FREM2: variants seen among roughly 807,000 people sequenced by gnomAD.
FREM2 encodes FRAS1-related extracellular matrix protein 2.
A neutral mutation model predicts 219.9 loss-of-function variants in FREM2; 119 were observed. The ratio of observed to expected loss-of-function variants is 0.54; its 90% CI spans 0.47 to 0.63. FREM2 has a LOEUF of 0.63. Ranked by LOEUF, FREM2 falls within the 30% of genes least tolerant of loss-of-function variation. The pLI, the probability that FREM2 is intolerant of heterozygous loss-of-function variation, is 0.00. For synonymous variants in FREM2, 1,562 were observed against 1,522.8 expected (o/e 1.03, Z -0.60); for missense variants, 4,030 against 3,993.6 (o/e 1.01, Z -0.25).
chr13:38,857,278 G>A (rs1017129369), intron 12 of FREM2, among the ~76,000 whole-genome samples: 1 of 152,086 alleles, frequency 6.6e-6, no homozygotes, highest in African/African-American at 2.4e-5. Context: ...AGGGAGCCAG[G>A]GCAAACTCAC....
intron 6 of FREM2, among the ~76,000 whole-genome samples, chr13:38,788,020 ACAG>A (rs1022703952): frequency 7.9e-5 from 12 of 152,176 alleles, no homozygotes; most frequent in Middle Eastern, 6.8e-3. Flanking sequence ...AAAGAAAAGG[ACAG>A]TACTGAAAAG....
At chr13:38,820,180 G>A (rs751615467) in intron 6 of FREM2, among the ~76,000 whole-genome samples, 51 of 152,124 alleles carry the variant, frequency 3.4e-4, no homozygotes, top group Non-Finnish European at 1.8e-4. Flanking sequence ...GAATAGCACT[G>A]CTTTTTCCAC....
rs771974385 is a variant in FREM2, at chr13:38,692,427, T to C, written c.5083T>C (p.Ser1695Pro). Reference sequence around the variant, plus strand: ...GGAGGACAGAGACAGCTTACACATTTCTCTTAGATTTATCGTGACAGAGGC... The same window carrying C: ...GGAGGACAGAGACAGCTTACACATTCCTCTTAGATTTATCGTGACAGAGGC... ...KVEDRDSLHI[S>P]LRFIVTEAPQ... is the part of the protein sequence containing the mutation. The change falls in exon 1 of 24, where the codon TCT becomes CCT. Residue 1695 changes from serine to proline, a missense_variant. This residue lies in a region of FREM2 where 3,102 missense variants were observed against 2,950.7 expected (regional missense o/e 1.05). Coordinates refer to ENST00000280481, the MANE Select transcript of FREM2 (RefSeq NM_207361.6). 3 of 1,613,682 alleles carry C rather than the reference T, an allele frequency of 1.9e-6. No homozygotes were observed. In the East Asian group the frequency reaches 6.7e-5, roughly 36 times the overall value.
Position 38,874,944 on chromosome 13 carries a change from C to T in FREM2, c.8281+358C>T, listed in dbSNP as rs1878292413. On this transcript the variant is annotated intron_variant, in intron 18 of 23. Coordinates refer to ENST00000280481, the MANE Select transcript of FREM2 (RefSeq NM_207361.6). ...AATTGCAGATGATTCATTCAGCAAG[C>T]ACTTCTCTTTTCACAGCTTTTTGCT... Among the ~76,000 whole-genome samples the T allele has an allele frequency of 2.0e-5, 3 of 152,166 alleles. 1 individual carries two copies. The highest frequency in any genetic ancestry group is 2.0e-4 in the Admixed American group (3 of 15,274).
chr13:38,760,967 C>G (rs1873204842), intron 2 of FREM2, among the ~76,000 whole-genome samples: 1 of 151,988 alleles, frequency 6.6e-6, no homozygotes, highest in African/African-American at 2.4e-5. Flanking sequence ...AAAAGAGAAG[C>G]CCTCAGTGAC....
At chr13:38,741,509 G>C (rs998724696) in intron 2 of FREM2, among the ~76,000 whole-genome samples, 3 of 152,162 alleles carry the variant, frequency 2.0e-5, no homozygotes, top group African/African-American at 7.2e-5. Flanking sequence ...GGACAATTGA[G>C]ATCAGCCCTC....
At chr13:38,761,403 G>A (rs1026714307) in intron 2 of FREM2, among the ~76,000 whole-genome samples, 2 of 152,128 alleles carry the variant, frequency 1.3e-5, no homozygotes, top group African/African-American at 4.8e-5. Context: ...GCTGTTTTAT[G>A]TACTAATTTA....
chr13:38,816,509 G>A (rs762723050), intron 6 of FREM2, among the ~76,000 whole-genome samples: 3 of 152,246 alleles, frequency 2.0e-5, no homozygotes, highest in Admixed American at 6.5e-5. Flanking sequence ...GGCAGAAAAA[G>A]CATTTGATAA....
In FREM2 at chr13:38,884,920, T is replaced by C. The variant is rs1878677028; in HGVS notation, c.*4133T>C. 2 of 152,332 alleles carry C rather than the reference T, an allele frequency of 1.3e-5. No individual in the cohort carries two copies. Among genetic ancestry groups the C allele is most frequent in the South Asian group, 2.1e-4 (1 of 4,830 alleles). The allele number at this position is 152,332 out of a possible 1,614,324, so 9.4% of individuals were successfully genotyped here. ...GCTCATTTGTGAAAACATACTCTCA[T>C]GGGAGCTTCTTTAACATTAGTTCAG... On this transcript the variant is annotated 3_prime_UTR_variant, in exon 24 of 24. Coordinates refer to ENST00000280481, the MANE Select transcript of FREM2 (RefSeq NM_207361.6).
Position 38,885,592 on chromosome 13 carries a change from T to G in FREM2, c.*4805T>G, listed in dbSNP as rs902868503. ...TGCTCTCTTTTTCATTTCAAAACCA[T>G]TACCACTTTCAATATGTAATTAACA... is the stretch of plus-strand genomic sequence containing the variant. On this transcript the variant is annotated 3_prime_UTR_variant, in exon 24 of 24. Transcript: ENST00000280481. 4 of 152,186 alleles carry G rather than the reference T, an allele frequency of 2.6e-5. No individual in the cohort carries two copies. The highest frequency in any genetic ancestry group is 9.6e-5 in the African/African-American group (4 of 41,466). 9.4% of individuals were successfully genotyped at this position (152,186 alleles called of 1,614,324 possible).
At chr13:38,860,897 C>T (rs1272927899) in intron 14 of FREM2, among the ~76,000 whole-genome samples, 2 of 152,088 alleles carry the variant, frequency 1.3e-5, no homozygotes, top group African/African-American at 2.4e-5. Context: ...ATAGAGAAAA[C>T]TCTACTGTAC....
intron 6 of FREM2, among the ~76,000 whole-genome samples, chr13:38,841,283 T>C (rs997741812): frequency 6.6e-6 from 1 of 152,158 alleles, no homozygotes; most frequent in Non-Finnish European, 1.5e-5. Flanking sequence ...TCCAAGGTAG[T>C]TGCCTGTCAA....
Position 38,687,704 on chromosome 13 carries a change from C to T in FREM2, c.360C>T (p.Gly120=). 6.4e-7 allele frequency: 1 copy of T among 1,566,154 alleles called. No individual in the cohort carries two copies. ...LDNDALAQRP[G]RLSPKRFPCD... ...ACGACGCACTGGCCCAGCGACCGGGCCGCCTGAGTCCCAAGCGCTTCCCGT... is the reference window on the plus strand; with the variant it reads ...ACGACGCACTGGCCCAGCGACCGGGTCGCCTGAGTCCCAAGCGCTTCCCGT... Residue 120 remains glycine (G), a synonymous_variant, in exon 1 of 24, where the codon GGC becomes GGT. Coordinates refer to ENST00000280481, the MANE Select transcript of FREM2 (RefSeq NM_207361.6).
At position 38,886,402 on chromosome 13, in the gene FREM2, A is replaced by AT. The variant is rs5802961; in HGVS notation, c.*5627dup. Reference sequence around the variant, plus strand: ...TATATATATAGAGAGAGAGAGATAGATTTTTTTTTTTTGAGACAGAGTTTC... The same window carrying AT: ...TATATATATAGAGAGAGAGAGATAGATTTTTTTTTTTTTGAGACAGAGTTTC... On this transcript the variant is annotated 3_prime_UTR_variant, in exon 24 of 24. Coordinates refer to ENST00000280481, the MANE Select transcript of FREM2 (RefSeq NM_207361.6). 1.5e-4 allele frequency: 23 copies of AT among 148,852 alleles called. No individual in the cohort carries two copies. The highest frequency in any genetic ancestry group is 3.9e-4 in the East Asian group (2 of 5,104). The allele number at this position is 148,852 out of a possible 1,614,324, so 9.2% of individuals were successfully genotyped here. A position where few individuals can be genotyped will look rare whatever the true frequency, so the allele number is the denominator to read the frequency against.
chr13:38,707,899 G>A (rs550543811), intron 2 of FREM2, among the ~76,000 whole-genome samples: 68 of 152,262 alleles, frequency 4.5e-4, no homozygotes, highest in Non-Finnish European at 7.9e-4. Context: ...TGTTTTCTCA[G>A]TTTCTTCTTG....
At chr13:38,792,590 A>G (rs1294315988) in intron 6 of FREM2, among the ~76,000 whole-genome samples, 2 of 152,198 alleles carry the variant, frequency 1.3e-5, no homozygotes, top group Admixed American at 6.5e-5. Context: ...TGCCAAATTT[A>G]TAAATTAAAC....
intron 2 of FREM2, among the ~76,000 whole-genome samples, chr13:38,744,348 G>GT (rs532743453): frequency 3.6e-4 from 54 of 149,894 alleles, no homozygotes; most frequent in Admixed American, 2.3e-3. Context: ...GTAGCTGGGA[G>GT]TACTGGTGTA....
At position 38,688,979 on chromosome 13, in the gene FREM2, A is replaced by G. The variant is rs751968408; in HGVS notation, c.1635A>G (p.Val545=). Residue 545 remains valine, a synonymous_variant, in exon 1 of 24, where the codon GTA becomes GTG. Transcript: ENST00000280481. ...RMVDGGGRHQ[V]QFLFPITLVP... Reference sequence around the variant, plus strand: ...TGGATGGAGGAGGCAGGCACCAGGTACAGTTTCTGTTCCCCATCACCTTAG... The same window carrying G: ...TGGATGGAGGAGGCAGGCACCAGGTGCAGTTTCTGTTCCCCATCACCTTAG... The G allele has an allele frequency of 2.5e-6, 4 of 1,613,832 alleles. No individual in the cohort carries two copies. Among genetic ancestry groups the G allele is most frequent in the African/African-American group, 2.7e-5 (2 of 74,928 alleles).
chr13:38,773,429 C>T (rs1369725289), intron 4 of FREM2, among the ~76,000 whole-genome samples: 2 of 151,852 alleles, frequency 1.3e-5, no homozygotes, highest in Non-Finnish European at 2.9e-5. Context: ...CTCACTCTGT[C>T]GCCCAGGCTT....
Sources: gnomAD v4.1 joint callset for allele counts (sites outside exome capture counted in the v4.1 genomes callset) on GRCh38, gnomAD v4.1.1 for gene constraint, gnomAD v4.1.1 regional missense constraint, MANE v1.5 for transcripts, NCBI Gene and HGNC (gene_info 2026-07-23, HGNC 2026-07-21) for gene names.